PHF21A: variants seen among roughly 807,000 people sequenced by gnomAD.
The protein encoded by PHF21A is PHD finger protein 21A, also known as BHC80a.
PHF21A carries 11 observed loss-of-function variants against 82.5 expected under a neutral mutation model. The ratio of observed to expected loss-of-function variants is 0.13; its 90% CI spans 0.08 to 0.22. PHF21A has a LOEUF of 0.22. Among genes scored for constraint, PHF21A ranks in the 10% least tolerant of loss-of-function variants. The probability of loss-of-function intolerance (pLI) is 1.00; values close to 1 mark genes in which losing one functional copy is unlikely to be tolerated. For synonymous variants in PHF21A, 297 were observed against 302.8 expected, an observed-to-expected ratio of 0.98 and a Z score of 0.20; for missense variants, 579 against 837.8, an observed-to-expected ratio of 0.69 and a Z score of 3.81.
At chr11:46,058,071 G>A (rs985921695) in intron 6 of PHF21A, among the ~76,000 whole-genome samples, 1 of 152,136 alleles carries the variant, frequency 6.6e-6, no homozygotes, top group African/African-American at 2.4e-5. Context: ...TTTTAACAAA[G>A]CCTTGTTAAA....
chr11:45,985,929 C>G (rs191277165), intron 6 of PHF21A, among the ~76,000 whole-genome samples: 19 of 152,142 alleles, frequency 1.2e-4, no homozygotes, highest in Admixed American at 7.9e-4. Context: ...ACAACAGCAG[C>G]AACTGTAATT....
At chr11:45,996,039 G>A (rs2094896721) in intron 6 of PHF21A, among the ~76,000 whole-genome samples, 1 of 151,956 alleles carries the variant, frequency 6.6e-6, no homozygotes, top group Non-Finnish European at 1.5e-5. Context: ...AAACTCCCCG[G>A]CTCAAGTGAT....
chr11:46,102,650 AC>A (rs1566005479), intron 1 of PHF21A, among the ~76,000 whole-genome samples: 1 of 152,168 alleles, frequency 6.6e-6, no homozygotes, highest in Non-Finnish European at 1.5e-5. Flanking sequence ...CCTCTATCTC[AC>A]CCCAACCAGA....
At chr11:45,997,711 A>T (rs1462332534) in intron 6 of PHF21A, among the ~76,000 whole-genome samples, 1 of 152,182 alleles carries the variant, frequency 6.6e-6, no homozygotes. Flanking sequence ...CCTGTTCAGG[A>T]TCTGTTGTTC....
chr11:45,963,117 C>T (rs1337285618), intron 10 of PHF21A, among the ~76,000 whole-genome samples: 8 of 151,972 alleles, frequency 5.3e-5, no homozygotes, highest in Non-Finnish European at 1.0e-4. Flanking sequence ...ATGTTTTACA[C>T]GTACATAGAA....
chr11:46,055,818 G>A lies in PHF21A; in HGVS notation c.153+20936C>T, dbSNP rs1180631608. The stretch of plus-strand genomic sequence containing the variant: ...ATAATACGATCTAAGCCTAAAATCA[G>A]AATTTTTAAACGCTCAACATATTAT... On this transcript the variant is annotated intron_variant, in intron 6 of 18. Transcript: ENST00000676320. 2.6e-5 allele frequency among the ~76,000 whole-genome samples: 4 copies of A among 152,024 alleles called. No homozygotes were observed. In the East Asian group the frequency reaches 7.7e-4, roughly 29 times the overall value.
chr11:46,011,070 AC>A (rs1343931081), intron 6 of PHF21A, among the ~76,000 whole-genome samples: 1 of 152,106 alleles, frequency 6.6e-6, no homozygotes, highest in Non-Finnish European at 1.5e-5. Context: ...TTATCACAAA[AC>A]TTCTTAAAGG....
At chr11:45,971,854 C>T (rs993213459) in intron 7 of PHF21A, among the ~76,000 whole-genome samples, 2 of 116,846 alleles carry the variant, frequency 1.7e-5, no homozygotes, top group African/African-American at 6.0e-5. Flanking sequence ...TCCTGAGACA[C>T]AAAGGCTGGG....
chr11:46,046,802 G>A (rs1317428229), intron 6 of PHF21A, among the ~76,000 whole-genome samples: 1 of 152,194 alleles, frequency 6.6e-6, no homozygotes, highest in Non-Finnish European at 1.5e-5. Context: ...TGTGAAGAGT[G>A]TCTGGACAAA....
chr11:46,055,885 G>A (rs569419187), intron 6 of PHF21A, among the ~76,000 whole-genome samples: 1 of 152,248 alleles, frequency 6.6e-6, no homozygotes, highest in South Asian at 2.1e-4. Context: ...GAATAGTTTT[G>A]TTTTGCTAAT....
chr11:46,024,740 C>T (rs1454887421), intron 6 of PHF21A, among the ~76,000 whole-genome samples: 1 of 152,110 alleles, frequency 6.6e-6, no homozygotes, highest in Non-Finnish European at 1.5e-5. Flanking sequence ...GTGAAGGTTG[C>T]AGTGAGCCAA....
chr11:46,024,254 T>G (rs2095693709), intron 6 of PHF21A, among the ~76,000 whole-genome samples: 1 of 152,130 alleles, frequency 6.6e-6, no homozygotes, highest in African/African-American at 2.4e-5. Context: ...TTCCTATTTC[T>G]CCCACTTACA....
rs35528009 is a variant in PHF21A, at chr11:46,021,546, A to ATG, written c.154-41582_154-41581dup. On this transcript the variant is annotated intron_variant, in intron 6 of 18. Coordinates refer to ENST00000676320, the MANE Select transcript of PHF21A (RefSeq NM_001352027.3). Reference sequence around the variant, plus strand: ...TGTGTGTGCGTGCATGTGTGTGTGCATGTGTGTGTGTGTTCAGAGACAGGG... The same window carrying ATG: ...TGTGTGTGCGTGCATGTGTGTGTGCATGTGTGTGTGTGTGTTCAGAGACAGGG... Among the ~76,000 whole-genome samples, 659 of 151,652 alleles carry ATG rather than the reference A, an allele frequency of 4.3e-3. 2 individuals carry two copies. Among genetic ancestry groups the ATG allele is most frequent in the Non-Finnish European group, 7.0e-3 (473 of 67,860 alleles).
intron 11 of PHF21A, 33 bp downstream of exon 11, chr11:45,953,494 G>T: frequency 7.4e-7 from 1 of 1,354,062 alleles, no homozygotes; most frequent in South Asian, 1.2e-5. Context: ...ATACACCATA[G>T]ACTGAGACCT....
chr11:46,007,564 G>A (rs1229459179), intron 6 of PHF21A, among the ~76,000 whole-genome samples: 1 of 152,048 alleles, frequency 6.6e-6, no homozygotes, highest in East Asian at 1.9e-4. Context: ...TTCGCCTGCT[G>A]TGGCCTCCCA....
intron 6 of PHF21A, among the ~76,000 whole-genome samples, chr11:46,001,813 A>G (rs1343025077): frequency 1.3e-5 from 2 of 152,116 alleles, no homozygotes; most frequent in Admixed American, 6.5e-5. Flanking sequence ...TTTGCATTCC[A>G]TTTTTAACTA....
intron 6 of PHF21A, among the ~76,000 whole-genome samples, chr11:46,052,398 T>C (rs1444682988): frequency 6.6e-6 from 1 of 152,166 alleles, no homozygotes; most frequent in Non-Finnish European, 1.5e-5. Context: ...AAATCTCTTT[T>C]CCTTCAACAA....
At chr11:46,070,993 G>T (rs558864821) in intron 6 of PHF21A, among the ~76,000 whole-genome samples, 6 of 152,122 alleles carry the variant, frequency 3.9e-5, no homozygotes, top group Non-Finnish European at 7.4e-5. Context: ...GGAGATACAT[G>T]GTTAAAAATT....
At chr11:46,038,181 CAGTGGCA>C (rs1371145264) in intron 6 of PHF21A, among the ~76,000 whole-genome samples, 2 of 151,420 alleles carry the variant, frequency 1.3e-5, no homozygotes, top group Non-Finnish European at 2.9e-5. Context: ...GGCTGGAGTG[CAGTGGCA>C]CAATCTCAGC....
Sources: gnomAD v4.1 joint callset for allele counts (sites outside exome capture counted in the v4.1 genomes callset) on GRCh38, gnomAD v4.1.1 for gene constraint, MANE v1.5 for transcripts, NCBI Gene and HGNC (gene_info 2026-07-23, HGNC 2026-07-21) for gene names.